Variants in PLEKHA1 observed in about 807,000 individuals in gnomAD.
The protein encoded by PLEKHA1 is pleckstrin homology domain-containing family A member 1.
Under a neutral mutation model 52.0 loss-of-function variants are expected in PLEKHA1, and 34 were observed. That is an observed-to-expected ratio of 0.65 (90% confidence interval 0.50 to 0.87). The LOEUF is 0.87. PLEKHA1 is among the 40% of genes least tolerant of loss of function. PLEKHA1 has a pLI of 0.00. For missense variants in PLEKHA1, 497 were observed against 504.2 expected, an observed-to-expected ratio of 0.99 and a Z score of 0.14; for synonymous variants, 163 against 170.7, an observed-to-expected ratio of 0.95 and a Z score of 0.35.
At chr10:122,429,529 TGTTTTATTTG>T (rs1427486626) in intron 11 of PLEKHA1, 85 bp from the exon 12 acceptor site, 2 of 865,868 alleles carry the variant, frequency 2.3e-6, no homozygotes, top group Non-Finnish European at 3.5e-6. Context: ...TGTGTGTGTG[TGTTTTATTTG>T]TTTTTCAGAG....
At chr10:122,428,151 G>A in intron 11 of PLEKHA1, 1 of 894,172 alleles carries the variant, frequency 1.1e-6, no homozygotes, top group East Asian at 3.3e-5. Context: ...AAGGATGTTT[G>A]TGTTTTGTGC....
Position 122,429,656 on chromosome 10 carries a change from C to T in PLEKHA1, c.933C>T (p.His311=), listed in dbSNP as rs1259548352. ...EHPPGPSESK[H]AFRPTNAATA... The stretch of plus-strand genomic sequence containing the variant: ...CCCCCGGTCCTTCAGAATCCAAACA[C>T]GCTTTCCGTCCTACCAACGCAGCCA... Residue 311 remains histidine, a synonymous_variant, in exon 12 of 12, where the codon CAC becomes CAT. Coordinates refer to ENST00000368990, the MANE Select transcript of PLEKHA1 (RefSeq NM_001001974.4). 16 of 1,613,982 alleles carry T rather than the reference C, an allele frequency of 9.9e-6. No homozygotes were observed. The highest frequency in any genetic ancestry group is 1.6e-4 in the Middle Eastern group (1 of 6,084).
chr10:122,421,807 C>G (rs2097263619), intron 8 of PLEKHA1: 1 of 152,150 alleles, frequency 6.6e-6, no homozygotes, highest in Non-Finnish European at 1.5e-5. Context: ...ATATTCTCAT[C>G]TGTCATGAGA....
At chr10:122,435,942 C>T (rs537521168), downstream of PLEKHA1, 10 of 152,152 alleles carry the variant, frequency 6.6e-5, no homozygotes, top group East Asian at 1.9e-3. Flanking sequence ...CAGTTTCCCC[C>T]CAACAGCATC....
At chr10:122,390,044 C>T (rs1305708962) in intron 1 of PLEKHA1, among the ~76,000 whole-genome samples, 2 of 152,206 alleles carry the variant, frequency 1.3e-5, no homozygotes, top group East Asian at 1.9e-4. Context: ...CTAGATCTTC[C>T]TGGATAACTT....
intron 1 of PLEKHA1, among the ~76,000 whole-genome samples, chr10:122,380,201 G>A (rs879591747): frequency 2.6e-5 from 4 of 152,220 alleles, no homozygotes; most frequent in Non-Finnish European, 5.9e-5. Flanking sequence ...AATCTTTGAT[G>A]CAGTAATTAT....
intron 8 of PLEKHA1, 83 bp downstream of exon 8, chr10:122,418,051 G>A (rs970068074): frequency 1.2e-5 from 12 of 1,033,594 alleles, no homozygotes; most frequent in Admixed American, 8.6e-5. Context: ...TTCTTGTACT[G>A]TTCTGTAGTT....
chr10:122,376,609 T>C (rs1224922696), intron 1 of PLEKHA1, among the ~76,000 whole-genome samples: 1 of 151,820 alleles, frequency 6.6e-6, no homozygotes, highest in Non-Finnish European at 1.5e-5. Flanking sequence ...ATTAGTATTT[T>C]CATTGTCGCT....
intron 10 of PLEKHA1, among the ~76,000 whole-genome samples, chr10:122,426,124 A>G (rs2097335218): frequency 6.6e-6 from 1 of 152,218 alleles, no homozygotes. Context: ...CTGTAATAAA[A>G]TGATGAAAAA....
At chr10:122,396,808 T>C (rs188044502) in intron 2 of PLEKHA1, among the ~76,000 whole-genome samples, 61 of 152,256 alleles carry the variant, frequency 4.0e-4, no homozygotes, top group African/African-American at 7.0e-4. Context: ...TCTTCTATCA[T>C]AGAAATGAAA....
intron 5 of PLEKHA1, chr10:122,412,606 C>G (rs950978374): frequency 1.5e-5 from 4 of 267,834 alleles, no homozygotes; most frequent in Non-Finnish European, 2.2e-5. Context: ...TCCCTAATGC[C>G]CCTGAGCCTA....
chr10:122,383,313 G>GTTTTTTTTTTTTTTTTTTTTT (rs58485855), intron 1 of PLEKHA1, among the ~76,000 whole-genome samples: 6 of 128,388 alleles, frequency 4.7e-5, no homozygotes, highest in Non-Finnish European at 8.2e-5. Flanking sequence ...CTTTCTTTCT[G>GTTTTTTTTTTTTTTTTTTTTT]TTTTTTTTTT....
intron 5 of PLEKHA1, among the ~76,000 whole-genome samples, chr10:122,411,099 T>TA (rs1352761618): frequency 6.6e-5 from 10 of 152,236 alleles, no homozygotes; most frequent in African/African-American, 2.4e-4. Flanking sequence ...TTATTGTCTT[T>TA]AAAAAGCACT....
intron 6 of PLEKHA1, among the ~76,000 whole-genome samples, chr10:122,413,423 C>G (rs1358761374): frequency 1.3e-5 from 2 of 152,080 alleles, no homozygotes; most frequent in Non-Finnish European, 2.9e-5. Flanking sequence ...TACAAATCCT[C>G]TATTGGACAA....
At chr10:122,395,367 C>A (rs1446902451) in intron 2 of PLEKHA1, among the ~76,000 whole-genome samples, 1 of 152,020 alleles carries the variant, frequency 6.6e-6, no homozygotes, top group African/African-American at 2.4e-5. Context: ...ATTCTGCCAG[C>A]CAGTGTATTA....
rs1208035862 is a variant in PLEKHA1 at position 122,430,039 on chromosome 10, A to G, written c.*101A>G. The G allele has an allele frequency of 6.3e-6, 8 of 1,269,246 alleles. No homozygotes were observed. The highest frequency in any genetic ancestry group is 2.6e-5 in the Admixed American group (1 of 38,666). The allele number at this position is 1,269,246 out of a possible 1,614,324, so 78.6% of individuals were successfully genotyped here. On this transcript the variant is annotated 3_prime_UTR_variant, in exon 12 of 12. Transcript: ENST00000368990. ...AAGGGGGAAATGGTTTTTAGTGCGT[A>G]TATTATACTGCCTCTTAGGTGTACT...
At chr10:122,441,161 T>A in the PLEKHA1 span, 1 of 152,176 alleles carries the variant, frequency 6.6e-6, no homozygotes, top group Non-Finnish European at 1.5e-5. Flanking sequence ...CTACAGGTGA[T>A]TCTGACATCC....
chr10:122,390,870 A>C (rs2096766411), intron 1 of PLEKHA1, among the ~76,000 whole-genome samples: 1 of 152,158 alleles, frequency 6.6e-6, no homozygotes, highest in African/African-American at 2.4e-5. Context: ...AAGAGCTGCC[A>C]AATTGTTTTA....
intron 11 of PLEKHA1, chr10:122,428,537 A>C (rs2097372687): frequency 1.1e-6 from 1 of 945,844 alleles, no homozygotes; most frequent in Admixed American, 4.3e-5. Context: ...AAAAAATAAA[A>C]CATACAACTT....
Sources: allele counts gnomAD v4.1 joint callset (sites outside exome capture counted in the v4.1 genomes callset), GRCh38; gene constraint gnomAD v4.1.1; transcripts MANE v1.5; gene names NCBI Gene and HGNC (gene_info 2026-07-23, HGNC 2026-07-21).